Variants in UBE2E1 observed in about 807,000 individuals in gnomAD.
The protein encoded by UBE2E1 is ubiquitin conjugating enzyme E2 E1, also known as ubiquitin-conjugating enzyme E2 E1.
Under a neutral mutation model 21.4 loss-of-function variants are expected in UBE2E1, and 6 were observed. The observed-to-expected ratio is 0.28, with a 90% CI of 0.15 to 0.55. UBE2E1 has a LOEUF of 0.55. Among genes scored for constraint, UBE2E1 ranks in the 20% least tolerant of loss-of-function variants. The pLI, the probability that UBE2E1 is intolerant of heterozygous loss-of-function variation, is 0.93. For missense variants in UBE2E1, 142 were observed against 236.5 expected (o/e 0.60, Z 2.62); for synonymous variants, 87 against 82.7 (o/e 1.05, Z -0.28).
rs1362614929 is a variant in UBE2E1 at position 23,823,832 on chromosome 3, A to C, written c.203+12322A>C. On this transcript the variant is annotated intron_variant, in intron 3 of 5. Transcript: ENST00000306627. The surrounding 1 kb of genome is among the most constrained non-coding windows in gnomAD (Gnocchi z 4.2). Reference sequence around the variant, plus strand: ...GCAGCGTCATATACTACTTGCTAGTATATCACACTGCTTTGGCCTTTTTCT... The same window carrying C: ...GCAGCGTCATATACTACTTGCTAGTCTATCACACTGCTTTGGCCTTTTTCT... 6.6e-6 allele frequency among the ~76,000 whole-genome samples: 1 copy of C among 152,230 alleles called. No homozygotes were observed. Among genetic ancestry groups the C allele is most frequent in the Admixed American group, 6.5e-5 (1 of 15,284 alleles).
Position 23,806,942 on chromosome 3 carries a change from T to G in UBE2E1, c.-33-295T>G. 5.2e-6 allele frequency: 1 copy of G among 193,840 alleles called. No homozygotes were observed. The highest frequency in any genetic ancestry group is 1.0e-5 in the Non-Finnish European group (1 of 95,842). 12.0% of individuals were successfully genotyped at this position (193,840 alleles called of 1,614,324 possible). A position where few individuals can be genotyped will look rare whatever the true frequency, so the allele number is the denominator to read the frequency against. On this transcript the variant is annotated intron_variant, in intron 1 of 5. Coordinates refer to ENST00000306627, the MANE Select transcript of UBE2E1 (RefSeq NM_003341.5). This position sits in a 1 kb window ranked among gnomAD's most constrained non-coding sequence, Gnocchi z 6.5. ...CCCGCGCCCCCCGCCCTGCCCTCCT[T>G]CGCCTCCCGGGCTACTCCCTCCCTG...
chr3:23,872,820 C>T (rs1401685549), intron 3 of UBE2E1, among the ~76,000 whole-genome samples: 3 of 152,088 alleles, frequency 2.0e-5, no homozygotes, highest in Non-Finnish European at 4.4e-5. Context: ...AGATCGAGAC[C>T]ATCCTGGCTA....
At chr3:23,885,120 G>T (rs528042774) in intron 3 of UBE2E1, among the ~76,000 whole-genome samples, 1 of 152,212 alleles carries the variant, frequency 6.6e-6, no homozygotes, top group Non-Finnish European at 1.5e-5. Flanking sequence ...GTCTGGTGAG[G>T]ATGCGTTTCT....
intron 3 of UBE2E1, among the ~76,000 whole-genome samples, chr3:23,883,768 T>C (rs1389678827): frequency 6.6e-6 from 1 of 151,840 alleles, no homozygotes; most frequent in Non-Finnish European, 1.5e-5. Context: ...ATACAAAAAT[T>C]AGCTGGGCAT....
intron 3 of UBE2E1, among the ~76,000 whole-genome samples, chr3:23,828,586 A>C (rs796843209): frequency 3.9e-5 from 6 of 152,328 alleles, no homozygotes; most frequent in African/African-American, 1.4e-4. Flanking sequence ...ATCAGAACAG[A>C]AGACTTGAAA....
intron 3 of UBE2E1, among the ~76,000 whole-genome samples, chr3:23,848,374 G>A (rs569613064): frequency 1.3e-5 from 2 of 152,148 alleles, no homozygotes; most frequent in South Asian, 2.1e-4. Context: ...GGATGCTGAG[G>A]CAGGAGAATC....
At chr3:23,877,335 C>T (rs918769397) in intron 3 of UBE2E1, among the ~76,000 whole-genome samples, 1 of 152,062 alleles carries the variant, frequency 6.6e-6, no homozygotes, top group Non-Finnish European at 1.5e-5. Flanking sequence ...AGACTGGGCA[C>T]TGGAGTCTAA....
chr3:23,865,144 A>G (rs1700627806), intron 3 of UBE2E1, among the ~76,000 whole-genome samples: 1 of 152,224 alleles, frequency 6.6e-6, no homozygotes, highest in Non-Finnish European at 1.5e-5. Flanking sequence ...TCTTGGCTGT[A>G]GTCAAGGAGT....
intron 3 of UBE2E1, among the ~76,000 whole-genome samples, chr3:23,873,930 AAAT>A (rs1435168165): frequency 1.3e-5 from 2 of 152,212 alleles, no homozygotes; most frequent in Non-Finnish European, 1.5e-5. Flanking sequence ...CCAAACAATA[AAAT>A]AATAGATTCA....
At chr3:23,890,161 TG>T (rs1264630054) in intron 5 of UBE2E1, among the ~76,000 whole-genome samples, 1 of 152,172 alleles carries the variant, frequency 6.6e-6, no homozygotes, top group Non-Finnish European at 1.5e-5. Flanking sequence ...TGAACACAGC[TG>T]GATGTTCATT....
At chr3:23,850,837 C>CTTTTTTT (rs71057628) in intron 3 of UBE2E1, among the ~76,000 whole-genome samples, 11 of 128,450 alleles carry the variant, frequency 8.6e-5, no homozygotes, top group Admixed American at 1.6e-4. Context: ...CCACACCCAG[C>CTTTTTTT]TTTTTTTTTT....
At chr3:23,873,374 G>A (rs1700844292) in intron 3 of UBE2E1, among the ~76,000 whole-genome samples, 1 of 152,168 alleles carries the variant, frequency 6.6e-6, no homozygotes, top group African/African-American at 2.4e-5. Context: ...GAAGGTACAG[G>A]GAGCCGGACC....
intron 4 of UBE2E1, among the ~76,000 whole-genome samples, chr3:23,888,851 T>TTAGC (rs1294594642): frequency 6.6e-6 from 1 of 152,236 alleles, no homozygotes; most frequent in Non-Finnish European, 1.5e-5. Context: ...TTGGAAATGT[T>TTAGC]AATATTTAAA....
intron 3 of UBE2E1, among the ~76,000 whole-genome samples, chr3:23,832,874 A>G (rs1387726648): frequency 6.6e-6 from 1 of 152,016 alleles, no homozygotes; most frequent in Non-Finnish European, 1.5e-5. Context: ...TCTACAAAAC[A>G]AATTTTAAAA....
At chr3:23,829,973 TC>T (rs1460511512) in intron 3 of UBE2E1, among the ~76,000 whole-genome samples, 1 of 151,778 alleles carries the variant, frequency 6.6e-6, no homozygotes, top group Non-Finnish European at 1.5e-5. Context: ...TTTCCCTTCC[TC>T]CCCCTTCCCT....
In UBE2E1 at chr3:23,811,147, G is replaced by T. The variant is rs533709584; in HGVS notation, c.153-313G>T. ...TGCAGGGGAGGGACTGAGGAAACCGGTCGGCAAGTGAGAAACTTTAAAATT... is the reference window on the plus strand; with the variant it reads ...TGCAGGGGAGGGACTGAGGAAACCGTTCGGCAAGTGAGAAACTTTAAAATT... On this transcript the variant is annotated intron_variant, in intron 2 of 5. Coordinates refer to ENST00000306627, the MANE Select transcript of UBE2E1 (RefSeq NM_003341.5). The T allele has an allele frequency of 1.2e-4, 49 of 408,410 alleles. 1 individual carries two copies. In the South Asian group the frequency reaches 2.1e-3, roughly 17 times the overall value. 25.3% of individuals were successfully genotyped at this position (408,410 alleles called of 1,614,324 possible).
intron 3 of UBE2E1, among the ~76,000 whole-genome samples, chr3:23,879,969 G>A (rs1433034071): frequency 6.6e-6 from 1 of 152,242 alleles, no homozygotes; most frequent in Non-Finnish European, 1.5e-5. Context: ...ATTCTGGCCA[G>A]GCACAGTGGC....
chr3:23,815,726 A>C (rs1004364169), intron 3 of UBE2E1, among the ~76,000 whole-genome samples: 1 of 152,232 alleles, frequency 6.6e-6, no homozygotes, highest in Non-Finnish European at 1.5e-5. Context: ...TTTGGGTATA[A>C]GAAATAGGTT....
intron 3 of UBE2E1, among the ~76,000 whole-genome samples, chr3:23,834,899 A>G (rs745416256): frequency 6.6e-6 from 1 of 152,240 alleles, no homozygotes; most frequent in Non-Finnish European, 1.5e-5. Context: ...TAAAACTAAA[A>G]TGAATTCATA....
Sources: gnomAD v4.1 joint callset for allele counts (sites outside exome capture counted in the v4.1 genomes callset) on GRCh38, gnomAD v4.1.1 for gene constraint, Gnocchi (gnomAD v3.1) non-coding constraint, MANE v1.5 for transcripts, NCBI Gene and HGNC (gene_info 2026-07-23, HGNC 2026-07-21) for gene names.